Variants in TACR1 observed in about 807,000 individuals in gnomAD.
TACR1 encodes tachykinin receptor 1.
TACR1 carries 25 observed loss-of-function variants against 35.8 expected under a neutral mutation model. That is an observed-to-expected ratio of 0.70 (90% CI 0.51 to 0.98). The LOEUF (loss-of-function observed/expected upper bound fraction) is 0.98, where lower values mean the gene tolerates loss of function less well. Ranked by LOEUF, TACR1 falls within the 50% of genes least tolerant of loss-of-function variation. The pLI, the probability that TACR1 is intolerant of heterozygous loss-of-function variation, is 0.00. For missense variants in TACR1, 478 were observed against 522.9 expected (o/e 0.91, Z 0.84); for synonymous variants, 195 against 206.7 (o/e 0.94, Z 0.48).
intron 1 of TACR1, among the ~76,000 whole-genome samples, chr2:75,130,484 T>G (rs1428341351): frequency 2.0e-5 from 3 of 152,262 alleles, no homozygotes; most frequent in Admixed American, 6.5e-5. Flanking sequence ...GCACCCTTGC[T>G]ACAGTGATTT....
chr2:75,165,464 A>G (rs1459620630), intron 1 of TACR1, among the ~76,000 whole-genome samples: 1 of 151,992 alleles, frequency 6.6e-6, no homozygotes, highest in African/African-American at 2.4e-5. Flanking sequence ...AACCGCCACC[A>G]TGCCCAGCTA....
chr2:75,172,926 C>T (rs1259104272), intron 1 of TACR1, among the ~76,000 whole-genome samples: 1 of 151,930 alleles, frequency 6.6e-6, no homozygotes, highest in Non-Finnish European at 1.5e-5. Flanking sequence ...GTCCAAACTT[C>T]CTTTTTTTTA....
intron 1 of TACR1, among the ~76,000 whole-genome samples, chr2:75,149,818 G>A (rs1281344692): frequency 4.6e-5 from 7 of 152,084 alleles, no homozygotes; most frequent in East Asian, 1.9e-4. Flanking sequence ...GTCTTGTGCC[G>A]GTTTTCAAAG....
chr2:75,144,205 C>T (rs555505261), intron 1 of TACR1, among the ~76,000 whole-genome samples: 26 of 152,158 alleles, frequency 1.7e-4, no homozygotes, highest in Non-Finnish European at 4.4e-5. Context: ...GGGAGCTGAT[C>T]GATGGAGCTC....
intron 2 of TACR1, among the ~76,000 whole-genome samples, chr2:75,058,645 C>G (rs1021420839): frequency 6.6e-6 from 1 of 152,188 alleles, no homozygotes; most frequent in Admixed American, 6.5e-5. Context: ...ATGAGCTTAT[C>G]GGAACTTTCA....
chr2:75,157,424 G>A lies in TACR1; in HGVS notation c.390-36656C>T, dbSNP rs115157008. 5.0e-3 allele frequency among the ~76,000 whole-genome samples: 766 copies of A among 152,198 alleles called. 5 individuals are homozygous for A. The highest frequency in any genetic ancestry group is 0.018 in the African/African-American group (733 of 41,522). On this transcript the variant is annotated intron_variant, in intron 1 of 4. Coordinates refer to ENST00000305249, the MANE Select transcript of TACR1 (RefSeq NM_001058.4). Reference sequence around the variant, plus strand: ...GGTCCTGACAAACAAGCATCATAACGACCTACGAAGACAGGATTTGACATA... The same window carrying A: ...GGTCCTGACAAACAAGCATCATAACAACCTACGAAGACAGGATTTGACATA...
intron 2 of TACR1, among the ~76,000 whole-genome samples, chr2:75,068,923 G>A (rs992691601): frequency 1.3e-5 from 2 of 152,158 alleles, no homozygotes; most frequent in Non-Finnish European, 2.9e-5. Context: ...AAAATTATAT[G>A]TACATGATAC....
intron 4 of TACR1, 81 bp from the exon 5 acceptor site, chr2:75,049,804 C>T (rs1573454867): frequency 1.4e-6 from 2 of 1,424,312 alleles, no homozygotes; most frequent in East Asian, 2.4e-5. Flanking sequence ...AGCTTGTTAA[C>T]ACATGGACAT....
chr2:75,091,710 G>A (rs1302116354), intron 2 of TACR1, among the ~76,000 whole-genome samples: 2 of 152,114 alleles, frequency 1.3e-5, no homozygotes, highest in Non-Finnish European at 2.9e-5. Flanking sequence ...CACAACAAAT[G>A]ACCTGACGTG....
At chr2:75,094,849 ATATATATATATTT>A (rs1473002012) in intron 2 of TACR1, among the ~76,000 whole-genome samples, 1 of 88,510 alleles carries the variant, frequency 1.1e-5, no homozygotes, top group East Asian at 4.6e-4. Context: ...ATATATATAT[ATATATATATATTT>A]TTTTTTTTTT....
At position 75,125,483 on chromosome 2, in the gene TACR1, C is replaced by A. The variant is rs1037123987; in HGVS notation, c.390-4715G>T. Among the ~76,000 whole-genome samples the A allele has an allele frequency of 4.6e-5, 7 of 152,174 alleles. 1 individual carries two copies. Among genetic ancestry groups the A allele is most frequent in the Admixed American group, 4.6e-4 (7 of 15,278 alleles). On this transcript the variant is annotated intron_variant, in intron 1 of 4. Coordinates refer to ENST00000305249, the MANE Select transcript of TACR1 (RefSeq NM_001058.4). ...TACAGGCATGAGCCACCGCGCCGGG[C>A]CTTTATTTTTCTAATTGCATATCCT...
At chr2:75,175,488 C>A (rs1185138774) in intron 1 of TACR1, among the ~76,000 whole-genome samples, 1 of 152,154 alleles carries the variant, frequency 6.6e-6, no homozygotes, top group Non-Finnish European at 1.5e-5. Flanking sequence ...TAAAGATGTC[C>A]TTGCAGAGAC....
At chr2:75,089,416 C>T (rs1383203280) in intron 2 of TACR1, among the ~76,000 whole-genome samples, 1 of 152,176 alleles carries the variant, frequency 6.6e-6, no homozygotes, top group Admixed American at 6.6e-5. Context: ...CATTGGACTC[C>T]TCCTGGGTTT....
At chr2:75,087,784 G>T (rs1673216703) in intron 2 of TACR1, among the ~76,000 whole-genome samples, 1 of 152,148 alleles carries the variant, frequency 6.6e-6, no homozygotes. Flanking sequence ...CTATCCCCTT[G>T]GAAAATTTGA....
At chr2:75,110,813 T>C (rs1176165223) in intron 2 of TACR1, among the ~76,000 whole-genome samples, 1 of 152,028 alleles carries the variant, frequency 6.6e-6, no homozygotes, top group Non-Finnish European at 1.5e-5. Context: ...AAATCTTACA[T>C]AATTGCTGTT....
chr2:75,184,381 G>GT (rs1435334288), intron 1 of TACR1, among the ~76,000 whole-genome samples: 1 of 151,324 alleles, frequency 6.6e-6, no homozygotes, highest in African/African-American at 2.4e-5. Flanking sequence ...ACCATCACAG[G>GT]TTAAAAAAAA....
chr2:75,140,588 C>T (rs1674381942), intron 1 of TACR1, among the ~76,000 whole-genome samples: 1 of 152,166 alleles, frequency 6.6e-6, no homozygotes, highest in African/African-American at 2.4e-5. Flanking sequence ...GAAGACTCAA[C>T]TCAGGGTGGC....
At position 75,112,409 on chromosome 2, in the gene TACR1, T is replaced by C. The variant is rs984249444; in HGVS notation, c.584+8165A>G. Among the ~76,000 whole-genome samples, 7 of 150,492 alleles carry C rather than the reference T, an allele frequency of 4.7e-5. No individual in the cohort carries two copies. In the South Asian group the frequency reaches 1.5e-3, roughly 32 times the overall value. ...TGCCTAAACGTACTCTTAGGAATAGTTTGAGAAGAACTGATATCCTTAGGA... is the reference window on the plus strand; with the variant it reads ...TGCCTAAACGTACTCTTAGGAATAGCTTGAGAAGAACTGATATCCTTAGGA... On this transcript the variant is annotated intron_variant, in intron 2 of 4. Coordinates refer to ENST00000305249, the MANE Select transcript of TACR1 (RefSeq NM_001058.4).
chr2:75,175,977 C>T (rs916850860), intron 1 of TACR1, among the ~76,000 whole-genome samples: 2 of 130,556 alleles, frequency 1.5e-5, no homozygotes, highest in African/African-American at 5.9e-5. Context: ...AATCACATTA[C>T]TGACTGTAGC....
Sources: allele counts gnomAD v4.1 joint callset (sites outside exome capture counted in the v4.1 genomes callset), GRCh38; gene constraint gnomAD v4.1.1; transcripts MANE v1.5; gene names NCBI Gene and HGNC (gene_info 2026-07-23, HGNC 2026-07-21).